The following SLC51A variants were observed in gnomAD, a reference collection of about 807,000 sequenced individuals.
SLC51A encodes the protein solute carrier family 51 member A, also known as organic solute transporter subunit alpha.
SLC51A carries 22 observed loss-of-function variants against 34.8 expected under a neutral mutation model. The ratio of observed to expected loss-of-function variants is 0.63; its 90% CI spans 0.45 to 0.90. SLC51A has a LOEUF of 0.90. SLC51A is among the 40% of genes least tolerant of loss of function. The pLI is 0.00. For missense variants in SLC51A, 371 were observed against 414.8 expected (o/e 0.89, Z 0.92); for synonymous variants, 181 against 176.3 (o/e 1.03, Z -0.21).
intron 2 of SLC51A, among the ~76,000 whole-genome samples, chr3:196,220,263 C>T (rs564095994): frequency 9.9e-5 from 15 of 152,256 alleles, no homozygotes; most frequent in East Asian, 3.9e-4. Flanking sequence ...CTCGGCCATT[C>T]GTTAGTAATC....
At chr3:196,224,209 A>C (rs1312593171) in intron 2 of SLC51A, among the ~76,000 whole-genome samples, 7 of 151,530 alleles carry the variant, frequency 4.6e-5, no homozygotes, top group African/African-American at 1.7e-4. Context: ...TATTCCTAAA[A>C]TTTTATGTTC....
intron 3 of SLC51A, 63 bp downstream of exon 3, chr3:196,227,182 T>A (rs753657895): frequency 4.7e-6 from 7 of 1,486,330 alleles, no homozygotes; most frequent in Non-Finnish European, 6.5e-6. Flanking sequence ...AAGGTGAGAA[T>A]TCCTCTAAAC....
At chr3:196,227,605 G>C in intron 3 of SLC51A, 59 bp from the exon 4 acceptor site, 1 of 1,511,246 alleles carries the variant, frequency 6.6e-7, no homozygotes, top group Non-Finnish European at 9.2e-7. Context: ...GCCGCAAAAG[G>C]CTTCCGGAGC....
intron 2 of SLC51A, among the ~76,000 whole-genome samples, chr3:196,220,781 T>C (rs1723736532): frequency 6.6e-6 from 1 of 151,988 alleles, no homozygotes; most frequent in South Asian, 2.1e-4. Context: ...TTCTGGGCAA[T>C]GGTGACGGCA....
intron 3 of SLC51A, 76 bp from the exon 4 acceptor site, chr3:196,227,588 T>C (rs757861989): frequency 7.7e-7 from 1 of 1,299,290 alleles, no homozygotes; most frequent in South Asian, 1.2e-5. Context: ...TTGCCTCCTG[T>C]GTCCTTGCCG....
rs775353825 is a variant in SLC51A at position 196,230,058 on chromosome 3, C to G, written c.777C>G (p.Phe259Leu). The change falls in exon 7 of 9, where the codon TTC becomes TTG. Residue 259 changes from phenylalanine (F) to leucine (L), a missense_variant. Coordinates refer to ENST00000296327, the MANE Select transcript of SLC51A (RefSeq NM_152672.6). ...EQNMGAKFALFQVLLILTALQ... is the reference protein window; with the variant it reads ...EQNMGAKFALLQVLLILTALQ... ...ACATGGGAGCCAAATTTGCTCTGTT[C>G]CAGGTAACTATACCCTGGGAGAGAA... The G allele has an allele frequency of 1.1e-5, 17 of 1,610,716 alleles. No individual in the cohort carries two copies. The Middle Eastern group carries it at 2.5e-3, about 235-fold the overall frequency.
intron 2 of SLC51A, among the ~76,000 whole-genome samples, chr3:196,220,724 A>G (rs1259915613): frequency 1.3e-5 from 2 of 152,144 alleles, no homozygotes; most frequent in African/African-American, 4.8e-5. Context: ...AGGCAGTTCA[A>G]AGAAAGAGCA....
intron 2 of SLC51A, among the ~76,000 whole-genome samples, chr3:196,221,338 G>A (rs9830604): frequency 1.3e-3 from 202 of 150,560 alleles, no homozygotes; most frequent in African/African-American, 4.6e-3. Context: ...TTAAAATCAC[G>A]GCTCACGGCA....
Position 196,227,738 on chromosome 3 carries a change from G to A in SLC51A, c.362+1G>A, listed in dbSNP as rs758966828. The A allele has an allele frequency of 9.9e-6, 16 of 1,611,816 alleles. No homozygotes were observed. Among genetic ancestry groups the A allele is most frequent in the Non-Finnish European group, 1.4e-5 (16 of 1,179,126 alleles). Reference sequence around the variant, plus strand: ...TGCTGGTGGAAATGACCATCACCTCGTGAGTGCCCTGCCTCGCCCCACCTC... The same window carrying A: ...TGCTGGTGGAAATGACCATCACCTCATGAGTGCCCTGCCTCGCCCCACCTC... On this transcript the variant is annotated splice_donor_variant, in intron 4 of 8. Transcript: ENST00000296327. LOFTEE classifies it high-confidence loss of function.
At chr3:196,230,118 G>T in intron 7 of SLC51A, 57 bp downstream of exon 7, 2 of 1,472,646 alleles carry the variant, frequency 1.4e-6, no homozygotes, top group Admixed American at 2.3e-5. Flanking sequence ...GATAGTTGGG[G>T]TTAGTAAGTG....
intron 3 of SLC51A, 107 bp from the exon 4 acceptor site, chr3:196,227,557 G>A (rs749674519): frequency 1.2e-5 from 11 of 918,464 alleles, no homozygotes; most frequent in African/African-American, 1.6e-5. Flanking sequence ...TTTAAGGAAC[G>A]CTGCCTCGAA....
intron 2 of SLC51A, among the ~76,000 whole-genome samples, chr3:196,225,123 G>A (rs1424116687): frequency 4.7e-5 from 7 of 150,060 alleles, no homozygotes; most frequent in Admixed American, 1.3e-4. Flanking sequence ...ACAGGCAGGC[G>A]CCACCACACC....
intron 2 of SLC51A, among the ~76,000 whole-genome samples, chr3:196,225,274 G>A (rs1230122472): frequency 2.0e-5 from 3 of 152,018 alleles, no homozygotes; most frequent in Admixed American, 6.6e-5. Flanking sequence ...GTGCCCAGCC[G>A]AGGGTCAGCG....
chr3:196,219,093 G>A (rs570407874), intron 2 of SLC51A, among the ~76,000 whole-genome samples: 1 of 152,268 alleles, frequency 6.6e-6, no homozygotes, highest in Admixed American at 6.5e-5. Context: ...AGGCGTGGTG[G>A]CGGGCACCTG....
rs142969419 is a variant in SLC51A at position 196,221,747 on chromosome 3, G to A, written c.133+3811G>A. Among the ~76,000 whole-genome samples, 50 of 150,400 alleles carry A rather than the reference G, an allele frequency of 3.3e-4. No homozygotes were observed. The East Asian group carries it at 7.4e-3, about 22-fold the overall frequency. ...TTTTTTTTTTAAGAGACAGAGTCTC[G>A]CTCTGTCCCCCAGGCTGGAGTGCAG... is the stretch of plus-strand genomic sequence containing the variant. On this transcript the variant is annotated intron_variant, in intron 2 of 8. Coordinates refer to ENST00000296327, the MANE Select transcript of SLC51A (RefSeq NM_152672.6).
chr3:196,220,890 CTTTTT>C (rs758950658), intron 2 of SLC51A, among the ~76,000 whole-genome samples: 97 of 132,298 alleles, frequency 7.3e-4, no homozygotes, highest in Non-Finnish European at 1.3e-3. Flanking sequence ...CTTAATTTTT[CTTTTT>C]TTTTTTTTTT....
Position 196,232,540 on chromosome 3 carries a change from C to T in SLC51A, c.886+16C>T. On this transcript the variant is annotated intron_variant, in intron 8 of 8. Coordinates refer to ENST00000296327, the MANE Select transcript of SLC51A (RefSeq NM_152672.6). The stretch of plus-strand genomic sequence containing the variant: ...AGGTCTCAAGGTGAGCACGTTAAGC[C>T]TCCTGTCCCATCGTGGGATGGATGA... 6.3e-7 allele frequency: 1 copy of T among 1,594,352 alleles called. No individual in the cohort carries two copies.
intron 2 of SLC51A, among the ~76,000 whole-genome samples, chr3:196,224,942 TAGAAA>T (rs974472369): frequency 4.5e-4 from 68 of 151,784 alleles, no homozygotes; most frequent in African/African-American, 1.6e-3. Flanking sequence ...AAAAAGTAAG[TAGAAA>T]AGAAGACACA....
intron 7 of SLC51A, among the ~76,000 whole-genome samples, chr3:196,231,827 CT>C (rs1724035633): frequency 6.6e-6 from 1 of 152,134 alleles, no homozygotes; most frequent in African/African-American, 2.4e-5. Context: ...TTCTTCTCCC[CT>C]TTTGCCTTCT....
Sources: gnomAD v4.1 joint callset for allele counts (sites outside exome capture counted in the v4.1 genomes callset) on GRCh38, gnomAD v4.1.1 for gene constraint, MANE v1.5 for transcripts, NCBI Gene and HGNC (gene_info 2026-07-23, HGNC 2026-07-21) for gene names.